The following KLK6 variants were observed in gnomAD, a reference collection of about 807,000 sequenced individuals.
The protein encoded by KLK6 is kallikrein related peptidase 6, also known as kallikrein-6.
Under a neutral mutation model 21.7 loss-of-function variants are expected in KLK6, and 16 were observed. The ratio of observed to expected loss-of-function variants is 0.74; its 90% CI spans 0.50 to 1.12. KLK6 has a LOEUF of 1.12. Ranked by LOEUF, KLK6 falls within the 50% of genes most tolerant of loss-of-function variation. KLK6 has a pLI of 0.00. For synonymous variants in KLK6, 116 were observed against 120.1 expected (o/e 0.97, Z 0.22); for missense variants, 276 against 304.6 (o/e 0.91, Z 0.70).
chr19:50,965,712 T>A (rs1276376391), intron 4 of KLK6, among the ~76,000 whole-genome samples: 1 of 152,164 alleles, frequency 6.6e-6, no homozygotes, highest in Non-Finnish European at 1.5e-5. Context: ...TCAATGTACA[T>A]CAAAGGAATG....
chr19:50,967,511 C>CCACACACACACACACACACA lies in KLK6; in HGVS notation c.41-206_41-187dup, dbSNP rs146062864. On this transcript the variant is annotated intron_variant, in intron 3 of 6. Transcript: ENST00000310157. ...TCGGTAACACAGTGAGACCTCATCT[C>CCACACACACACACACACACA]CACACACACACACACACACACACAC... 7.1e-3 allele frequency among the ~76,000 whole-genome samples: 889 copies of CCACACACACACACACACACA among 125,526 alleles called. 11 individuals carry two copies. The highest frequency in any genetic ancestry group is 0.01 in the East Asian group (45 of 4,302). The allele number at this position is 125,526 out of a possible 152,430, so 82.3% of individuals were successfully genotyped here.
chr19:50,963,081 C>A (rs997385305), intron 5 of KLK6, among the ~76,000 whole-genome samples: 1 of 152,178 alleles, frequency 6.6e-6, no homozygotes, highest in South Asian at 2.1e-4. Context: ...ATGCTATTCA[C>A]CCATTGGTCT....
chr19:50,959,510 G>T (rs1045351290), intron 6 of KLK6, among the ~76,000 whole-genome samples, 194 bp from the exon 7 acceptor site: 2 of 148,578 alleles, frequency 1.3e-5, no homozygotes, highest in African/African-American at 2.5e-5. Context: ...ACACACAAAG[G>T]CACAGAGAGA....
At position 50,966,823 on chromosome 19, in the gene KLK6, A is replaced by G. The variant is rs373635255; in HGVS notation, c.197+346T>C. On this transcript the variant is annotated intron_variant, in intron 4 of 6. Coordinates refer to ENST00000310157, the MANE Select transcript of KLK6 (RefSeq NM_002774.4). ...CTCAAAAAACAAACAAACAACAAAA[A>G]CAAAACTGCCCAGTGGCTTCCTACT... 1.1e-4 allele frequency among the ~76,000 whole-genome samples: 16 copies of G among 152,190 alleles called. No homozygotes were observed. In the South Asian group the frequency reaches 1.5e-3, roughly 14 times the overall value.
At chr19:50,967,511 CCA>C (rs146062864) in intron 3 of KLK6, among the ~76,000 whole-genome samples, 186 bp from the exon 4 acceptor site, 1,420 of 125,490 alleles carry the variant, frequency 0.011, 16 homozygotes, top group African/African-American at 0.024. Context: ...GACCTCATCT[CCA>C]CACACACACA....
chr19:50,962,230 A>G (rs1600091445), intron 5 of KLK6: 2 of 225,356 alleles, frequency 8.9e-6, no homozygotes, highest in Non-Finnish European at 8.6e-6. Context: ...GACCTGGAGG[A>G]CTCTTCCTCT....
chr19:50,967,969 C>A (rs534765038), intron 3 of KLK6, 96 bp downstream of exon 3: 17 of 1,005,922 alleles, frequency 1.7e-5, no homozygotes, highest in South Asian at 1.5e-4. Context: ...CCCACCCCAA[C>A]CCTGTGCATA....
chr19:50,966,253 T>A (rs552916580), intron 4 of KLK6, among the ~76,000 whole-genome samples: 24 of 152,156 alleles, frequency 1.6e-4, no homozygotes, highest in Non-Finnish European at 3.2e-4. Context: ...AAACACCCAG[T>A]TGTTCAGGAC....
chr19:50,967,058 G>T, intron 4 of KLK6, 111 bp downstream of exon 4: 2 of 1,204,538 alleles, frequency 1.7e-6, no homozygotes, highest in Non-Finnish European at 2.4e-6. Flanking sequence ...CTGGCTATCA[G>T]ATGGCCTCGT....
chr19:50,960,071 AGGG>A (rs1600087933), intron 6 of KLK6, among the ~76,000 whole-genome samples: 1 of 48,506 alleles, frequency 2.1e-5, no homozygotes, highest in African/African-American at 1.4e-4. Flanking sequence ...GGGGAGGAGG[AGGG>A]GGAGGAGGAG....
In KLK6 at chr19:50,961,809, G is replaced by C; in HGVS notation, c.517C>G (p.Pro173Ala). 6.2e-7 allele frequency: 1 copy of C among 1,613,980 alleles called. No individual in the cohort carries two copies. Among genetic ancestry groups the C allele is most frequent in the Non-Finnish European group, 8.5e-7 (1 of 1,179,948 alleles). ...VSREECEHAY[P>A]GQITQNMLCA... Reference sequence around the variant, plus strand: ...AACATGTTCTGGGTGATCTGGCCAGGGTAGGCATGCTCACACTCCTCACGG... The same window carrying C: ...AACATGTTCTGGGTGATCTGGCCAGCGTAGGCATGCTCACACTCCTCACGG... The change falls in exon 6 of 7, where the codon CCT (proline) becomes GCT (alanine). Residue 173 changes from proline (P) to alanine (A), a missense_variant. Pro to Ala is a conservative substitution (Grantham distance 27). Coordinates refer to ENST00000310157, the MANE Select transcript of KLK6 (RefSeq NM_002774.4).
intron 5 of KLK6, 141 bp downstream of exon 5, chr19:50,963,161 T>C: frequency 1.6e-6 from 2 of 1,216,878 alleles, no homozygotes; most frequent in Non-Finnish European, 2.3e-6. Flanking sequence ...TTGACCTTTC[T>C]CCCATTGAAA....
At chr19:50,964,035 C>T (rs2090887939) in intron 4 of KLK6, among the ~76,000 whole-genome samples, 1 of 152,180 alleles carries the variant, frequency 6.6e-6, no homozygotes, top group African/African-American at 2.4e-5. Flanking sequence ...ACGTGGCACA[C>T]CAGGCCTTGC....
chr19:50,959,148 A>G lies in KLK6; in HGVS notation c.*16T>C. The G allele has an allele frequency of 1.2e-6, 2 of 1,614,014 alleles. No homozygotes were observed. The highest frequency in any genetic ancestry group is 1.7e-6 in the Non-Finnish European group (2 of 1,179,960). Reference sequence around the variant, plus strand: ...AGTGGGGTGGTAGGTCGGGAGGTAGATGTCACATGTCAGGGTCACTTGGCC... The same window carrying G: ...AGTGGGGTGGTAGGTCGGGAGGTAGGTGTCACATGTCAGGGTCACTTGGCC... On this transcript the variant is annotated 3_prime_UTR_variant, in exon 7 of 7. Transcript: ENST00000310157.
At chr19:50,966,544 T>G (rs1009145511) in intron 4 of KLK6, among the ~76,000 whole-genome samples, 1 of 152,238 alleles carries the variant, frequency 6.6e-6, no homozygotes, top group Non-Finnish European at 1.5e-5. Context: ...CTCATGCCTG[T>G]AATCCCAGCT....
intron 6 of KLK6, among the ~76,000 whole-genome samples, chr19:50,960,037 ACGAGGAGGAGGAGGGAGAGGAGGGG>A (rs2090809568): frequency 1.5e-4 from 14 of 93,058 alleles, no homozygotes; most frequent in East Asian, 4.2e-4. Context: ...GAGGGGGAAG[ACGAGGAGGAGGAGGGAGAGGAGGGG>A]GGAGGAGGAG....
intron 3 of KLK6, among the ~76,000 whole-genome samples, chr19:50,967,608 T>C (rs1029099936): frequency 1.3e-5 from 2 of 148,926 alleles, no homozygotes; most frequent in African/African-American, 5.0e-5. Flanking sequence ...GAGGCTGAGG[T>C]GGGAGGGTCA....
chr19:50,963,041 T>C (rs1379996877), intron 5 of KLK6, among the ~76,000 whole-genome samples: 1 of 152,180 alleles, frequency 6.6e-6, no homozygotes, highest in Non-Finnish European at 1.5e-5. Context: ...CCCTCTTTAT[T>C]GAACCTTCAT....
rs2090847191 is a variant in KLK6 at position 50,961,873 on chromosome 19, G to A, written c.453C>T (p.Phe151=). The A allele has an allele frequency of 4.3e-6, 7 of 1,613,486 alleles. No individual in the cohort carries two copies. The highest frequency in any genetic ancestry group is 5.9e-6 in the Non-Finnish European group (7 of 1,179,666). The change falls in exon 6 of 7, where the codon TTC becomes TTT. Residue 151 remains phenylalanine, a synonymous_variant. Coordinates refer to ENST00000310157, the MANE Select transcript of KLK6 (RefSeq NM_002774.4). Reference sequence around the variant, plus strand: ...TGTATGCACACTGGATGGTGTCAGGGAAATCACCTGTTAGGGGAGAGATGG... The same window carrying A: ...TGTATGCACACTGGATGGTGTCAGGAAAATCACCTGTTAGGGGAGAGATGG... The part of the protein sequence containing the change: ...LGWGKTADGD[F]PDTIQCAYIH...
Sources: gnomAD v4.1 joint callset for allele counts (sites outside exome capture counted in the v4.1 genomes callset) on GRCh38, gnomAD v4.1.1 for gene constraint, MANE v1.5 for transcripts, NCBI Gene and HGNC (gene_info 2026-07-23, HGNC 2026-07-21) for gene names.